Variants in SCN2A observed in about 807,000 individuals in gnomAD.
SCN2A encodes sodium voltage-gated channel alpha subunit 2, also known as sodium channel protein type 2 subunit alpha.
In SCN2A, 20 loss-of-function variants were observed where a neutral mutation model predicts 188.7. The observed-to-expected ratio is 0.11, with a 90% confidence interval of 0.07 to 0.15. The LOEUF (loss-of-function observed/expected upper bound fraction) is 0.15, where lower values mean the gene tolerates loss of function less well. SCN2A is among the 10% of genes least tolerant of loss of function. SCN2A has a pLI of 1.00. For missense variants in SCN2A, 1,278 were observed against 2,445.0 expected (o/e 0.52, Z 10.07); for synonymous variants, 804 against 833.1 (o/e 0.97, Z 0.60).
intron 14 of SCN2A, among the ~76,000 whole-genome samples, chr2:165,339,469 A>G (rs1205200451): frequency 1.3e-5 from 2 of 152,108 alleles, no homozygotes; most frequent in Non-Finnish European, 2.9e-5. Flanking sequence ...TAAATTATCT[A>G]TTTCATCAAC....
At chr2:165,345,756 G>A (rs1484131554) in intron 16 of SCN2A, among the ~76,000 whole-genome samples, 1 of 152,110 alleles carries the variant, frequency 6.6e-6, no homozygotes, top group African/African-American at 2.4e-5. Context: ...TCATTATGAT[G>A]CTAGCTGGCT....
intron 1 of SCN2A, chr2:165,270,639 TCTG>T (rs1181276973): frequency 6.6e-6 from 1 of 152,088 alleles, no homozygotes; most frequent in Non-Finnish European, 1.5e-5. Flanking sequence ...AATTTTCTCA[TCTG>T]CTATTGTCCC....
At chr2:165,249,218 C>T (rs1013330704) in intron 1 of SCN2A, among the ~76,000 whole-genome samples, 1 of 152,062 alleles carries the variant, frequency 6.6e-6, no homozygotes, top group African/African-American at 2.4e-5. Context: ...TACAAATATG[C>T]TGTTTTAGTC....
intron 4 of SCN2A, 109 bp downstream of exon 4, chr2:165,308,046 A>AC: frequency 1.2e-6 from 1 of 800,824 alleles, no homozygotes; most frequent in Non-Finnish European, 2.2e-6. Context: ...GCTACTGTTA[A>AC]CCAGACCCTG....
intron 1 of SCN2A, among the ~76,000 whole-genome samples, chr2:165,277,732 A>G (rs766286940): frequency 6.6e-6 from 1 of 152,210 alleles, no homozygotes; most frequent in Non-Finnish European, 1.5e-5. Context: ...AACATATTTT[A>G]TCAACATTTT....
intron 1 of SCN2A, chr2:165,269,295 A>G (rs182006817): frequency 2.2e-4 from 33 of 152,156 alleles, no homozygotes; most frequent in Admixed American, 2.1e-3. Context: ...AAAATAGAAC[A>G]TAATAAAATA....
rs559950496 is a variant in SCN2A at position 165,328,885 on chromosome 2, T to A, written c.2149+1901T>A. On this transcript the variant is annotated intron_variant, in intron 13 of 26. Coordinates refer to ENST00000375437, the MANE Select transcript of SCN2A (RefSeq NM_001040142.2). ...GTTATCTAGAATGAAAACTGACTTT[T>A]CTTTATTCAATTGTATGTAGACACA... Among the ~76,000 whole-genome samples the A allele has an allele frequency of 2.6e-5, 4 of 152,324 alleles. No individual in the cohort carries two copies. The South Asian group carries it at 8.3e-4, about 32-fold the overall frequency.
chr2:165,273,718 A>G (rs900321558), intron 1 of SCN2A: 1 of 152,140 alleles, frequency 6.6e-6, no homozygotes, highest in South Asian at 2.1e-4. Flanking sequence ...ATAATTTCCA[A>G]ATGATGATGC....
intron 1 of SCN2A, among the ~76,000 whole-genome samples, chr2:165,291,575 T>TCCTTCCTTTCTCTCTCTCTCTCTCTCTC (rs1460696524): frequency 1.4e-5 from 1 of 70,552 alleles, no homozygotes; most frequent in African/African-American, 4.6e-5. Context: ...CTTCCTTCCT[T>TCCTTCCTTTCTCTCTCTCTCTCTCTCTC]TCTCTCTCTC....
At chr2:165,282,010 T>C (rs1695603047) in intron 1 of SCN2A, among the ~76,000 whole-genome samples, 2 of 152,150 alleles carry the variant, frequency 1.3e-5, no homozygotes, top group African/African-American at 4.8e-5. Flanking sequence ...TGCCCCCTTT[T>C]TCACCTTTTT....
At chr2:165,348,230 A>G (rs947317687) in intron 16 of SCN2A, among the ~76,000 whole-genome samples, 4 of 151,942 alleles carry the variant, frequency 2.6e-5, no homozygotes, top group African/African-American at 9.7e-5. Context: ...GTGATGATGC[A>G]CACCTGTAAT....
chr2:165,260,325 G>C (rs1694527989), intron 1 of SCN2A, among the ~76,000 whole-genome samples: 1 of 152,122 alleles, frequency 6.6e-6, no homozygotes, highest in Admixed American at 6.5e-5. Context: ...TAATCTCCTT[G>C]CAGATCTCCA....
At chr2:165,244,150 G>T (rs1693743275) in intron 1 of SCN2A, among the ~76,000 whole-genome samples, 1 of 152,060 alleles carries the variant, frequency 6.6e-6, no homozygotes, top group Non-Finnish European at 1.5e-5. Flanking sequence ...GCCGGGGCAG[G>T]AGAATCACTT....
At chr2:165,320,491 C>G (rs1453381279) in intron 11 of SCN2A, 1 of 152,274 alleles carries the variant, frequency 6.6e-6, no homozygotes, top group Non-Finnish European at 1.5e-5. Context: ...CCCACATTTC[C>G]CTTCCTCACT....
At chr2:165,359,943 T>A (rs1700375361) in intron 17 of SCN2A, among the ~76,000 whole-genome samples, 1 of 152,012 alleles carries the variant, frequency 6.6e-6, no homozygotes, top group Non-Finnish European at 1.5e-5. Flanking sequence ...TTATAAACAC[T>A]AAAATGACTT....
chr2:165,264,489 G>A (rs1169999120), intron 1 of SCN2A, among the ~76,000 whole-genome samples: 3 of 152,034 alleles, frequency 2.0e-5, no homozygotes, highest in East Asian at 1.9e-4. Flanking sequence ...ACCCACAGAC[G>A]ACATCATAGT....
chr2:165,284,515 C>T (rs1695741629), intron 1 of SCN2A, among the ~76,000 whole-genome samples: 1 of 152,128 alleles, frequency 6.6e-6, no homozygotes, highest in Admixed American at 6.6e-5. Context: ...GCTCTACCTG[C>T]TCATTCATGG....
chr2:165,272,053 A>G (rs190469761), intron 1 of SCN2A: 4 of 152,122 alleles, frequency 2.6e-5, no homozygotes, highest in African/African-American at 9.6e-5. Context: ...GTGGGTGTAT[A>G]TTTTCACTAC....
intron 1 of SCN2A, among the ~76,000 whole-genome samples, chr2:165,283,199 T>A (rs1050347038): frequency 1.3e-5 from 2 of 152,144 alleles, no homozygotes; most frequent in Non-Finnish European, 1.5e-5. Context: ...ATGGAAATAT[T>A]TAACAAATGG....
Sources: allele counts gnomAD v4.1 joint callset (sites outside exome capture counted in the v4.1 genomes callset), GRCh38; gene constraint gnomAD v4.1.1; transcripts MANE v1.5; gene names NCBI Gene and HGNC (gene_info 2026-07-23, HGNC 2026-07-21).